Variants in SKIC3 observed in about 807,000 individuals in gnomAD.
The protein encoded by SKIC3 is SKI3 subunit of superkiller complex.
the SKIC3 span, among the ~76,000 whole-genome samples, chr5:95,546,352 C>CA: frequency 0.24 from 32,188 of 136,376 alleles, 4,234 homozygotes; most frequent in African/African-American, 0.38. Flanking sequence ...AAAAAAAAAA[C>CA]AAAAAAAAAA....
chr5:95,528,480 T>C, the SKIC3 span, among the ~76,000 whole-genome samples: 1 of 152,038 alleles, frequency 6.6e-6, no homozygotes, highest in Non-Finnish European at 1.5e-5. Context: ...GTAACAAATA[T>C]AAGAAATTAA....
the SKIC3 span, among the ~76,000 whole-genome samples, chr5:95,535,106 G>A: frequency 3.3e-5 from 5 of 152,060 alleles, no homozygotes; most frequent in Non-Finnish European, 4.4e-5. Context: ...GTCACCTAGT[G>A]TACTGGAGCT....
chr5:95,541,816 T>C, the SKIC3 span: 1 of 1,604,708 alleles, frequency 6.2e-7, no homozygotes. Context: ...ATTTCTTACC[T>C]CTCATAAAGA....
chr5:95,494,818 C>G, the SKIC3 span: 1 of 1,612,188 alleles, frequency 6.2e-7, no homozygotes, highest in Non-Finnish European at 8.5e-7. Flanking sequence ...AGATGTTAGC[C>G]AATTTTCCTG....
At chr5:95,528,066 T>C in the SKIC3 span, 5 of 1,613,698 alleles carry the variant, frequency 3.1e-6, no homozygotes, top group African/African-American at 6.7e-5. Flanking sequence ...GAGAGTTTAA[T>C]CAAAGCCTCT....
At chr5:95,516,309 A>T in the SKIC3 span, 1 of 1,607,204 alleles carries the variant, frequency 6.2e-7, no homozygotes, top group Non-Finnish European at 8.5e-7. Flanking sequence ...ATAATATAGA[A>T]AACATTCTTT....
the SKIC3 span, chr5:95,520,784 T>C: frequency 6.2e-7 from 1 of 1,612,380 alleles, no homozygotes; most frequent in Non-Finnish European, 8.5e-7. Context: ...CAACTAGAGC[T>C]GCTTTTGCCA....
the SKIC3 span, chr5:95,528,195 TTC>T: frequency 6.2e-7 from 1 of 1,612,392 alleles, no homozygotes. Context: ...GCCATATCAC[TTC>T]TGTTTATTTT....
the SKIC3 span, chr5:95,520,564 A>G: frequency 3.2e-6 from 2 of 623,668 alleles, no homozygotes; most frequent in Non-Finnish European, 5.4e-6. Context: ...TTAATACAAC[A>G]TGTATGTTAT....
chr5:95,520,056 G>T, the SKIC3 span, among the ~76,000 whole-genome samples: 2 of 151,888 alleles, frequency 1.3e-5, no homozygotes, highest in African/African-American at 4.8e-5. Context: ...GGAAAAGAGG[G>T]GAAGTAGAAG....
the SKIC3 span, chr5:95,523,055 C>T: frequency 6.5e-6 from 7 of 1,085,180 alleles, no homozygotes; most frequent in Non-Finnish European, 2.7e-6. Flanking sequence ...ATTCCACTGC[C>T]CTGCAAACAA....
At chr5:95,537,671 T>G in the SKIC3 span, among the ~76,000 whole-genome samples, 177 of 152,294 alleles carry the variant, frequency 1.2e-3, no homozygotes, top group African/African-American at 3.8e-3. Context: ...ATTCCATCAC[T>G]TCTCTTATGC....
At chr5:95,547,155 T>C in the SKIC3 span, 1 of 1,612,270 alleles carries the variant, frequency 6.2e-7, no homozygotes, top group Non-Finnish European at 8.5e-7. Context: ...GGACATTCTG[T>C]CAAGGCAGAA....
chr5:95,505,806 C>T, the SKIC3 span, among the ~76,000 whole-genome samples: 1 of 150,090 alleles, frequency 6.7e-6, no homozygotes. Flanking sequence ...GCGCGAGACT[C>T]TGTCCCCCCA....
At chr5:95,506,975 A>AT in the SKIC3 span, 1 of 1,613,448 alleles carries the variant, frequency 6.2e-7, no homozygotes, top group Non-Finnish European at 8.5e-7. Flanking sequence ...CATTGTAAGT[A>AT]TCTTGGTCTT....
the SKIC3 span, chr5:95,478,360 T>G: frequency 5.0e-6 from 8 of 1,614,024 alleles, no homozygotes; most frequent in East Asian, 1.3e-4. Flanking sequence ...ACTGCCCCGT[T>G]GGGATGCCAA....
chr5:95,506,988 G>A, the SKIC3 span: 4 of 1,612,474 alleles, frequency 2.5e-6, no homozygotes, highest in Admixed American at 3.3e-5. Context: ...TTGGTCTTCT[G>A]CAGTCTGTAA....
chr5:95,536,372 T>C, the SKIC3 span, among the ~76,000 whole-genome samples: 4 of 152,374 alleles, frequency 2.6e-5, no homozygotes, highest in East Asian at 7.7e-4. Context: ...GTGATATTCA[T>C]AGCTCTGTGT....
chr5:95,493,480 T>G, the SKIC3 span, among the ~76,000 whole-genome samples: 65 of 152,160 alleles, frequency 4.3e-4, no homozygotes, highest in Admixed American at 1.3e-4. Context: ...CTATCTAATA[T>G]CTGCTTGAGA....
Sources: gnomAD v4.1 joint callset for allele counts (sites outside exome capture counted in the v4.1 genomes callset) on GRCh38, gnomAD v4.1.1 for gene constraint, MANE v1.5 for transcripts, NCBI Gene and HGNC (gene_info 2026-07-23, HGNC 2026-07-21) for gene names.